Variants in NOS1 observed in about 807,000 individuals in gnomAD.
NOS1 encodes the protein nitric oxide synthase 1, also known as NOS type I.
Under a neutral mutation model 164.5 loss-of-function variants are expected in NOS1, and 51 were observed. The ratio of observed to expected loss-of-function variants is 0.31; its 90% confidence interval spans 0.25 to 0.39. NOS1 has a LOEUF of 0.39. Among genes scored for constraint, NOS1 ranks in the 10% least tolerant of loss-of-function variants. NOS1 has a pLI of 1.00. For missense variants in NOS1, 1,362 were observed against 1,885.6 expected, an observed-to-expected ratio of 0.72 and a Z score of 5.14; for synonymous variants, 719 against 745.8, an observed-to-expected ratio of 0.96 and a Z score of 0.59.
At chr12:117,267,733 G>C (rs1013310369) in intron 11 of NOS1, among the ~76,000 whole-genome samples, 1 of 152,126 alleles carries the variant, frequency 6.6e-6, no homozygotes, top group African/African-American at 2.4e-5. Context: ...TTATGTGATA[G>C]TCTGAGGCCC....
chr12:117,251,280 C>A (rs574596479), intron 17 of NOS1, among the ~76,000 whole-genome samples: 11 of 152,268 alleles, frequency 7.2e-5, no homozygotes, highest in Non-Finnish European at 8.8e-5. Flanking sequence ...TACAAGCCAC[C>A]AGTTTATGGT....
intron 17 of NOS1, among the ~76,000 whole-genome samples, chr12:117,248,689 T>C (rs1285406924): frequency 6.6e-6 from 1 of 152,170 alleles, no homozygotes; most frequent in Non-Finnish European, 1.5e-5. Flanking sequence ...CAGCATGATT[T>C]ATAGTCCTTT....
intron 2 of NOS1, among the ~76,000 whole-genome samples, chr12:117,325,215 T>A (rs1310617563): frequency 6.6e-6 from 1 of 152,130 alleles, no homozygotes; most frequent in Non-Finnish European, 1.5e-5. Flanking sequence ...GCAGCCTGGA[T>A]GGAGAGGTCA....
At chr12:117,228,445 G>T (rs1868897157) in intron 22 of NOS1, among the ~76,000 whole-genome samples, 1 of 152,186 alleles carries the variant, frequency 6.6e-6, no homozygotes. Flanking sequence ...CCTGTGATTT[G>T]TTGGTTGCAG....
intron 3 of NOS1, among the ~76,000 whole-genome samples, chr12:117,295,939 T>C (rs1455984262): frequency 6.6e-6 from 1 of 152,084 alleles, no homozygotes; most frequent in Admixed American, 6.6e-5. Context: ...TGATCATTCT[T>C]TAAAGCAGTG....
intron 7 of NOS1, 27 bp from the exon 8 acceptor site, chr12:117,280,893 G>C: frequency 6.2e-7 from 1 of 1,610,718 alleles, no homozygotes; most frequent in Non-Finnish European, 8.5e-7. Flanking sequence ...GGAACACCCG[G>C]CATCAGGGCG....
chr12:117,255,867 G>T (rs893870572), intron 16 of NOS1: 11 of 924,972 alleles, frequency 1.2e-5, no homozygotes, highest in Non-Finnish European at 1.7e-5. Flanking sequence ...TGTGGCCTGG[G>T]ATGCTCAGGC....
chr12:117,235,763 C>T (rs572276809), intron 20 of NOS1, among the ~76,000 whole-genome samples: 2 of 152,200 alleles, frequency 1.3e-5, no homozygotes, highest in Non-Finnish European at 2.9e-5. Flanking sequence ...TCAGTACAGG[C>T]TGGGCACGGT....
At chr12:117,233,339 A>G (rs1188892184) in intron 21 of NOS1, among the ~76,000 whole-genome samples, 1 of 151,184 alleles carries the variant, frequency 6.6e-6, no homozygotes, top group Non-Finnish European at 1.5e-5. Context: ...GTGAGCAACC[A>G]TGCCCGGCCT....
At chr12:117,220,024 T>C (rs771940156) in intron 27 of NOS1, 51 bp downstream of exon 27, 2 of 1,529,660 alleles carry the variant, frequency 1.3e-6, no homozygotes, top group East Asian at 2.3e-5. Flanking sequence ...AAAGGGGGGA[T>C]AGGAGAGTGG....
Position 117,234,609 on chromosome 12 carries a change from T to C in NOS1, c.3191A>G (p.Gln1064Arg), listed in dbSNP as rs9658482. 6.2e-6 allele frequency: 10 copies of C among 1,614,118 alleles called. No homozygotes were observed. The highest frequency in any genetic ancestry group is 2.7e-5 in the African/African-American group (2 of 75,046). ...CTCCAGCAGTTCCACTTTCACCATC[T>C]GGTTGACAGGCGGCGCGTCCTCCAG... The part of the protein sequence containing the change: ...ERLEDAPPVN[Q>R]MVKVELLEER... Residue 1064 changes from glutamine (Q) to arginine (R), a missense_variant, in exon 21 of 29, where the codon CAG (glutamine) becomes CGG (arginine). Physicochemically the swap from Gln to Arg is conservative, Grantham distance 43. Transcript: ENST00000317775. The surrounding 1 kb of genome is among the most constrained non-coding windows in gnomAD (Gnocchi z 4.3).
chr12:117,208,907 G>A lies in NOS1; in HGVS notation c.*6402C>T. Reference sequence around the variant, plus strand: ...CGGGCTGATTTTTGTATTTTTAGTAGAGACGAGGTTTTGCCATGTTAGCCA... The same window carrying A: ...CGGGCTGATTTTTGTATTTTTAGTAAAGACGAGGTTTTGCCATGTTAGCCA... On this transcript the variant is annotated 3_prime_UTR_variant, in exon 29 of 29. Transcript: ENST00000317775. The A allele has an allele frequency of 3.1e-6, 2 of 640,096 alleles. No homozygotes were observed. Among genetic ancestry groups the A allele is most frequent in the South Asian group, 1.4e-4 (2 of 14,510 alleles). 39.7% of individuals were successfully genotyped at this position (640,096 alleles called of 1,614,324 possible). A position where few individuals can be genotyped will look rare whatever the true frequency, so the allele number is the denominator to read the frequency against.
intron 1 of NOS1, among the ~76,000 whole-genome samples, chr12:117,347,592 G>A (rs1876414074): frequency 6.6e-6 from 1 of 152,152 alleles, no homozygotes; most frequent in South Asian, 2.1e-4. Context: ...GTTTTAAAGG[G>A]CAACAAGGAA....
At chr12:117,292,717 T>C (rs1296453306) in intron 3 of NOS1, among the ~76,000 whole-genome samples, 1 of 152,200 alleles carries the variant, frequency 6.6e-6, no homozygotes, top group Non-Finnish European at 1.5e-5. Context: ...AGCTTGACTA[T>C]CCTGCCTCCT....
chr12:117,340,187 A>G (rs2136083560), intron 1 of NOS1, among the ~76,000 whole-genome samples: 1 of 152,132 alleles, frequency 6.6e-6, no homozygotes, highest in Middle Eastern at 3.4e-3. Context: ...AACTTTTTGT[A>G]GAAACGGTGT....
chr12:117,353,469 GTACCATTAT>G (rs2136096180), intron 1 of NOS1, among the ~76,000 whole-genome samples: 1 of 152,292 alleles, frequency 6.6e-6, no homozygotes, highest in African/African-American at 2.4e-5. Context: ...AAAACCCACA[GTACCATTAT>G]TACACCTAAG....
At chr12:117,303,080 C>T (rs1375137863) in intron 3 of NOS1, among the ~76,000 whole-genome samples, 5 of 152,110 alleles carry the variant, frequency 3.3e-5, no homozygotes, top group Admixed American at 6.5e-5. Flanking sequence ...ACATCATTAC[C>T]GTAAGGCTGA....
chr12:117,302,681 A>T (rs1045899927), intron 3 of NOS1, among the ~76,000 whole-genome samples: 4 of 151,838 alleles, frequency 2.6e-5, no homozygotes, highest in Non-Finnish European at 5.9e-5. Context: ...CTGTGGGCTC[A>T]TGAGTCCAAG....
Position 117,265,439 on chromosome 12 carries a change from G to A in NOS1, c.2013C>T (p.Tyr671=), listed in dbSNP as rs757310877. The A allele has an allele frequency of 1.0e-5, 16 of 1,591,036 alleles. No individual in the cohort carries two copies. In the Admixed American group the frequency reaches 1.9e-4, roughly 19 times the overall value. Residue 671 remains tyrosine (Y), a synonymous_variant, in exon 12 of 29, where the codon TAC becomes TAT. Coordinates refer to ENST00000317775, the MANE Select transcript of NOS1 (RefSeq NM_000620.5). ...CGGCAGGGCAGCCCCCCCGGCAGCG[G>A]TACTCATTCTCCATGTGCTTAATGA... The part of the protein sequence containing the change: ...ESFIKHMENE[Y]RCRGGCPADW...
Sources: gnomAD v4.1 joint callset for allele counts (sites outside exome capture counted in the v4.1 genomes callset) on GRCh38, gnomAD v4.1.1 for gene constraint, Gnocchi (gnomAD v3.1) non-coding constraint, MANE v1.5 for transcripts, NCBI Gene and HGNC (gene_info 2026-07-23, HGNC 2026-07-21) for gene names.